IQGAP1: variants seen among roughly 807,000 people sequenced by gnomAD.
The protein encoded by IQGAP1 is ras GTPase-activating-like protein IQGAP1.
In IQGAP1, 66 loss-of-function variants were observed where a neutral mutation model predicts 215.6. The ratio of observed to expected loss-of-function variants is 0.31; its 90% CI spans 0.25 to 0.38. IQGAP1 has a LOEUF of 0.38. IQGAP1 is among the 10% of genes least tolerant of loss of function. The probability of loss-of-function intolerance (pLI) is 1.00; values close to 1 mark genes in which losing one functional copy is unlikely to be tolerated. For synonymous variants in IQGAP1, 772 were observed against 728.7 expected, an observed-to-expected ratio of 1.06 and a Z score of -0.96; for missense variants, 1,712 against 1,997.1, an observed-to-expected ratio of 0.86 and a Z score of 2.72.
chr15:90,489,422 C>T (rs1966173319), intron 33 of IQGAP1, among the ~76,000 whole-genome samples: 1 of 152,136 alleles, frequency 6.6e-6, no homozygotes, highest in Non-Finnish European at 1.5e-5. Context: ...GCCACTGCAC[C>T]CGGCCATAGA....
In IQGAP1 at chr15:90,492,410, C is replaced by CA. The variant is rs1335737614; in HGVS notation, c.4462-134dup. Reference sequence around the variant, plus strand: ...CCACTGCACACTCGAGCCTGGGCAACAGAGTGTCTAAAAAAAAAAAAAAAA... The same window carrying CA: ...CCACTGCACACTCGAGCCTGGGCAACAAGAGTGTCTAAAAAAAAAAAAAAAA... On this transcript the variant is annotated intron_variant, in intron 34 of 37. Coordinates refer to ENST00000268182, the MANE Select transcript of IQGAP1 (RefSeq NM_003870.4). 2.5e-5 allele frequency: 15 copies of CA among 600,856 alleles called. No individual in the cohort carries two copies. In the African/African-American group the frequency reaches 2.8e-4, roughly 11 times the overall value. The allele number at this position is 600,856 out of a possible 1,614,324, so 37.2% of individuals were successfully genotyped here. A position where few individuals can be genotyped will look rare whatever the true frequency, so the allele number is the denominator to read the frequency against.
Position 90,457,086 on chromosome 15 carries a change from T to C in IQGAP1, c.1776+771T>C, listed in dbSNP as rs542310425. ...CACACCTGTGTATTTGGCAGTCAGA[T>C]TGTAGAACCCATTACCAGCACCACA... On this transcript the variant is annotated intron_variant, in intron 15 of 37. Transcript: ENST00000268182. Among the ~76,000 whole-genome samples the C allele has an allele frequency of 9.2e-5, 14 of 152,006 alleles. No individual in the cohort carries two copies. The East Asian group carries it at 2.7e-3, about 29-fold the overall frequency.
intron 26 of IQGAP1, among the ~76,000 whole-genome samples, chr15:90,479,225 CT>C (rs953861044): frequency 3.3e-5 from 5 of 151,462 alleles, no homozygotes; most frequent in African/African-American, 9.7e-5. Flanking sequence ...TTAACTGATA[CT>C]TTTTTTTTCA....
chr15:90,473,994 A>G, intron 21 of IQGAP1, 27 bp downstream of exon 21: 1 of 1,612,092 alleles, frequency 6.2e-7, no homozygotes, highest in Middle Eastern at 1.7e-4. Flanking sequence ...CATACAGGCC[A>G]TTAGGGGCAA....
chr15:90,443,847 T>G (rs1010435262), intron 9 of IQGAP1, among the ~76,000 whole-genome samples: 14 of 152,270 alleles, frequency 9.2e-5, no homozygotes, highest in Admixed American at 9.2e-4. Flanking sequence ...GTGGATCACC[T>G]GAGGTCAGAA....
intron 2 of IQGAP1, among the ~76,000 whole-genome samples, chr15:90,404,815 G>A (rs768758546): frequency 8.6e-5 from 13 of 152,020 alleles, no homozygotes; most frequent in Non-Finnish European, 1.5e-4. Flanking sequence ...TCCTGATCTC[G>A]GGTGATCCAC....
chr15:90,448,550 A>G (rs766284941), intron 9 of IQGAP1, 23 bp from the exon 10 acceptor site: 2 of 1,550,426 alleles, frequency 1.3e-6, no homozygotes, highest in Non-Finnish European at 1.7e-6. Context: ...GTCCTTTCAC[A>G]AGCTTTTGCC....
intron 2 of IQGAP1, among the ~76,000 whole-genome samples, chr15:90,400,535 A>G (rs1964790307): frequency 6.6e-6 from 1 of 152,214 alleles, no homozygotes; most frequent in Admixed American, 6.5e-5. Flanking sequence ...ATAGTTTACC[A>G]CTTCCCTTTA....
chr15:90,441,610 G>A lies in IQGAP1; in HGVS notation c.754G>A (p.Glu252Lys). 6.2e-7 allele frequency: 1 copy of A among 1,613,802 alleles called. No individual in the cohort carries two copies. Among genetic ancestry groups the A allele is most frequent in the Non-Finnish European group, 8.5e-7 (1 of 1,179,876 alleles). ...GAATGCCATGCTTGTAAATCTTGAA[G>A]AGCCCTTGGCATCCACTTACCAGGA... ...NPNAMLVNLE[E>K]PLASTYQDIL... is the part of the protein sequence containing the mutation. Residue 252 changes from glutamate to lysine, a missense_variant, in exon 8 of 38, where the codon GAG (glutamate) becomes AAG (lysine). This residue lies in a region of IQGAP1 where 1,021 missense variants were observed against 1,074.2 expected (regional missense o/e 0.95). Transcript: ENST00000268182.
intron 2 of IQGAP1, among the ~76,000 whole-genome samples, chr15:90,409,347 C>T (rs1267245139): frequency 6.6e-6 from 1 of 151,368 alleles, no homozygotes; most frequent in South Asian, 2.1e-4. Context: ...AAGCGATTCT[C>T]CTGCCTCAGC....
At chr15:90,445,154 A>G (rs575241992) in intron 9 of IQGAP1, among the ~76,000 whole-genome samples, 2 of 151,768 alleles carry the variant, frequency 1.3e-5, no homozygotes, top group African/African-American at 4.8e-5. Flanking sequence ...TTTTTTTTAA[A>G]AAAGAATCTG....
In IQGAP1 at chr15:90,501,008, G is replaced by A. The variant is rs1178502918; in HGVS notation, c.*900G>A. On this transcript the variant is annotated 3_prime_UTR_variant, in exon 38 of 38. Coordinates refer to ENST00000268182, the MANE Select transcript of IQGAP1 (RefSeq NM_003870.4). ...GTGCCTTATTAAAGTATAGATGTAT[G>A]TCTTAAAATGTGGGTGATAGGAATT... The A allele has an allele frequency of 6.6e-6, 1 of 152,622 alleles. No homozygotes were observed. Among genetic ancestry groups the A allele is most frequent in the South Asian group, 2.1e-4 (1 of 4,830 alleles). The allele number at this position is 152,622 out of a possible 1,614,324, so 9.5% of individuals were successfully genotyped here. A position where few individuals can be genotyped will look rare whatever the true frequency, so the allele number is the denominator to read the frequency against.
chr15:90,451,428 G>A (rs1249678462), intron 11 of IQGAP1, among the ~76,000 whole-genome samples: 1 of 152,160 alleles, frequency 6.6e-6, no homozygotes, highest in Non-Finnish European at 1.5e-5. Flanking sequence ...CCGGGGTAGT[G>A]AGTAGGGGTC....
At chr15:90,393,212 G>C (rs918757511) in intron 2 of IQGAP1, among the ~76,000 whole-genome samples, 1 of 152,136 alleles carries the variant, frequency 6.6e-6, no homozygotes, top group Non-Finnish European at 1.5e-5. Flanking sequence ...TATCTGTGGG[G>C]GTTTGGTTCC....
At chr15:90,444,834 T>A (rs180707769) in intron 9 of IQGAP1, among the ~76,000 whole-genome samples, 2 of 152,216 alleles carry the variant, frequency 1.3e-5, no homozygotes, top group African/African-American at 2.4e-5. Context: ...ACTCATTCTG[T>A]ACATTTTATG....
chr15:90,453,025 T>G (rs866120316), intron 12 of IQGAP1, 87 bp downstream of exon 12: 139 of 1,559,040 alleles, frequency 8.9e-5, no homozygotes, highest in Non-Finnish European at 1.1e-4. Context: ...TAGGTAGAAC[T>G]TTTTTGCATA....
intron 3 of IQGAP1, among the ~76,000 whole-genome samples, chr15:90,428,003 T>C (rs1271343565): frequency 6.6e-6 from 1 of 152,166 alleles, no homozygotes; most frequent in Non-Finnish European, 1.5e-5. Flanking sequence ...AAAATTAACA[T>C]CATAAACAGA....
Position 90,484,778 on chromosome 15 carries a change from G to A in IQGAP1, c.3921+426G>A, listed in dbSNP as rs139911305. On this transcript the variant is annotated intron_variant, in intron 30 of 37. Transcript: ENST00000268182. ...CCCACCTCGGCCCCCAAAAGTGCTG[G>A]GATTACAGGCGTGAGCCACCACGCC... Among the ~76,000 whole-genome samples the A allele has an allele frequency of 2.9e-3, 445 of 152,160 alleles. 7 individuals carry two copies. The highest frequency in any genetic ancestry group is 0.021 in the Admixed American group (315 of 15,284).
In IQGAP1 at chr15:90,473,757, C is replaced by G. The variant is rs762319697; in HGVS notation, c.2392C>G (p.Arg798Gly). Reference sequence around the variant, plus strand: ...CAAGCAGAAGAAGGCATATCAAGATCGGTTAGCTTACCTGCGCTCCCACAA... The same window carrying G: ...CAAGCAGAAGAAGGCATATCAAGATGGGTTAGCTTACCTGCGCTCCCACAA... The part of the protein sequence containing the change: ...GYKQKKAYQD[R>G]LAYLRSHKDE... Residue 798 changes from arginine (R) to glycine (G), a missense_variant, in exon 20 of 38, where the codon CGG becomes GGG. Arg to Gly is a moderately radical substitution (Grantham distance 125, BLOSUM62 -2). Transcript: ENST00000268182. 1 of 1,611,882 alleles carries G rather than the reference C, an allele frequency of 6.2e-7. No homozygotes were observed. The highest frequency in any genetic ancestry group is 8.5e-7 in the Non-Finnish European group (1 of 1,179,400).
Sources: gnomAD v4.1 joint callset for allele counts (sites outside exome capture counted in the v4.1 genomes callset) on GRCh38, gnomAD v4.1.1 for gene constraint, gnomAD v4.1.1 regional missense constraint, MANE v1.5 for transcripts, NCBI Gene and HGNC (gene_info 2026-07-23, HGNC 2026-07-21) for gene names.